The following SNAP47 variants were observed in gnomAD, a reference collection of about 807,000 sequenced individuals.
SNAP47 encodes synaptosome associated protein 47, also known as synaptosomal-associated protein 47.
In SNAP47, 20 loss-of-function variants were observed where a neutral mutation model predicts 31.4. The observed-to-expected ratio is 0.64, with a 90% CI of 0.45 to 0.93. The LOEUF is 0.93. SNAP47 is among the 40% of genes least tolerant of loss of function. The pLI, the probability that SNAP47 is intolerant of heterozygous loss-of-function variation, is 0.00. For synonymous variants in SNAP47, 194 were observed against 213.4 expected (o/e 0.91, Z 0.79); for missense variants, 492 against 528.5 (o/e 0.93, Z 0.68).
chr1:227,731,073 G>C (rs947065279), upstream of SNAP47: 2 of 152,532 alleles, frequency 1.3e-5, no homozygotes, highest in African/African-American at 2.4e-5. Flanking sequence ...TGCTGCCCGT[G>C]GTTTGGGCAG....
At chr1:227,732,345 A>C (rs757295534), upstream of SNAP47, 7 of 1,597,392 alleles carry the variant, frequency 4.4e-6, no homozygotes, top group Non-Finnish European at 5.1e-6. Flanking sequence ...GCCCCGGAGC[A>C]GGAGGCTGCC....
chr1:227,779,941 C>T (rs559951005), intron 4 of SNAP47, among the ~76,000 whole-genome samples: 9 of 152,330 alleles, frequency 5.9e-5, no homozygotes, highest in African/African-American at 2.2e-4. Flanking sequence ...CACACCCCCA[C>T]GGTGCTGGCT....
chr1:227,734,519 T>C (rs1660928532), upstream of SNAP47: 1 of 782,310 alleles, frequency 1.3e-6, no homozygotes, highest in Non-Finnish European at 2.1e-6. Context: ...CAGTTTCTTT[T>C]AAACTGATTA....
chr1:227,748,898 T>C (rs531307626), intron 2 of SNAP47, among the ~76,000 whole-genome samples: 2 of 152,370 alleles, frequency 1.3e-5, no homozygotes, highest in South Asian at 2.1e-4. Context: ...TGTTTAAGAA[T>C]GCTTTTCTTT....
upstream of SNAP47, chr1:227,735,388 C>G (rs1661043979): frequency 1.9e-6 from 3 of 1,583,524 alleles, no homozygotes; most frequent in African/African-American, 2.7e-5. Flanking sequence ...CCGCCAGCGC[C>G]TGGGGCTCCG....
At chr1:227,733,588 T>C (rs1353694310), upstream of SNAP47, 2 of 1,608,030 alleles carry the variant, frequency 1.2e-6, no homozygotes, top group African/African-American at 1.3e-5. Context: ...GCAGGGCCTC[T>C]TCCTGCCCTG....
At chr1:227,744,823 G>A (rs185579062) in intron 1 of SNAP47, among the ~76,000 whole-genome samples, 15 of 152,336 alleles carry the variant, frequency 9.8e-5, no homozygotes, top group Middle Eastern at 3.4e-3. Flanking sequence ...GCCTCGGGGA[G>A]TGGCTGTGCT....
At chr1:227,735,245 T>G (rs749569436), upstream of SNAP47, 37 of 1,600,880 alleles carry the variant, frequency 2.3e-5, no homozygotes, top group Non-Finnish European at 3.1e-5. Context: ...GAAGTGGCTG[T>G]CGGCGAGGGC....
intron 2 of SNAP47, among the ~76,000 whole-genome samples, chr1:227,756,843 C>G (rs1216946391): frequency 7.2e-5 from 11 of 152,352 alleles, no homozygotes; most frequent in Non-Finnish European, 1.0e-4. Flanking sequence ...CCTGCCATGC[C>G]CCACTGTTTC....
intron 2 of SNAP47, among the ~76,000 whole-genome samples, chr1:227,751,563 G>A (rs1247476269): frequency 2.6e-5 from 4 of 152,092 alleles, no homozygotes; most frequent in Admixed American, 6.5e-5. Context: ...CTTTGCCCAC[G>A]CCGGTCCCTT....
chr1:227,766,600 A>G (rs909212609), intron 3 of SNAP47, among the ~76,000 whole-genome samples: 1 of 152,180 alleles, frequency 6.6e-6, no homozygotes, highest in African/African-American at 2.4e-5. Flanking sequence ...AGTAGCTCAG[A>G]TGTCGCTGCA....
At chr1:227,746,308 A>G (rs1046129470) in intron 1 of SNAP47, 1 of 152,124 alleles carries the variant, frequency 6.6e-6, no homozygotes, top group Non-Finnish European at 1.5e-5. Flanking sequence ...TGGACTGGGG[A>G]CCTAGCCAGG....
intron 2 of SNAP47, among the ~76,000 whole-genome samples, chr1:227,758,611 T>C (rs964441287): frequency 1.3e-5 from 2 of 152,206 alleles, no homozygotes; most frequent in African/African-American, 4.8e-5. Context: ...AGCGCAGACG[T>C]AGAACATTCC....
At chr1:227,735,704 C>T (rs1447168577) in intron 1 of SNAP47, 1 of 984,428 alleles carries the variant, frequency 1.0e-6, no homozygotes, top group Non-Finnish European at 1.2e-6. Context: ...CGGGGGCGCC[C>T]AGGGATGATG....
At chr1:227,754,374 A>C (rs577972651) in intron 2 of SNAP47, among the ~76,000 whole-genome samples, 2 of 152,310 alleles carry the variant, frequency 1.3e-5, no homozygotes, top group African/African-American at 4.8e-5. Context: ...GGGGTGTGGC[A>C]GGCCAGGGTG....
intron 3 of SNAP47, among the ~76,000 whole-genome samples, chr1:227,760,617 C>G (rs538219880): frequency 6.6e-6 from 1 of 152,342 alleles, no homozygotes; most frequent in South Asian, 2.1e-4. Flanking sequence ...CCGCCATGGT[C>G]CTGCCCGTCT....
chr1:227,751,704 A>G (rs577634000), intron 2 of SNAP47, among the ~76,000 whole-genome samples: 1 of 151,650 alleles, frequency 6.6e-6, no homozygotes, highest in African/African-American at 2.4e-5. Context: ...CAGGTCAGAA[A>G]AACAATGCGA....
chr1:227,735,204 C>G (rs746254779), upstream of SNAP47: 9 of 1,583,502 alleles, frequency 5.7e-6, no homozygotes, highest in Admixed American at 1.8e-5. Flanking sequence ...GGAGCCTGGC[C>G]GACGCCGGGG....
intron 2 of SNAP47, 67 bp from the exon 3 acceptor site, chr1:227,758,928 A>G (rs544404596): frequency 1.4e-6 from 2 of 1,414,858 alleles, no homozygotes; most frequent in East Asian, 4.8e-5. Flanking sequence ...ACCGTTTTCC[A>G]AAAAAAAAGG....
Sources: allele counts gnomAD v4.1 joint callset (sites outside exome capture counted in the v4.1 genomes callset), GRCh38; gene constraint gnomAD v4.1.1; transcripts MANE v1.5; gene names NCBI Gene and HGNC (gene_info 2026-07-23, HGNC 2026-07-21).